Variants in ME1 observed in about 807,000 individuals in gnomAD.
The protein encoded by ME1 is NADP-dependent malic enzyme.
A neutral mutation model predicts 66.4 loss-of-function variants in ME1; 74 were observed. The observed-to-expected ratio is 1.11, with a 90% CI of 0.92 to 1.35. The LOEUF is 1.35. Ranked by LOEUF, ME1 falls within the 40% of genes most tolerant of loss-of-function variation. ME1 has a pLI of 0.00. For synonymous variants in ME1, 251 were observed against 235.6 expected (o/e 1.07, Z -0.60); for missense variants, 750 against 694.1 (o/e 1.08, Z -0.90).
At chr6:83,279,160 T>A (rs1195565011) in intron 6 of ME1, among the ~76,000 whole-genome samples, 1 of 152,212 alleles carries the variant, frequency 6.6e-6, no homozygotes, top group Non-Finnish European at 1.5e-5. Context: ...TTTTAGCCTC[T>A]AATACTACAG....
At chr6:83,419,111 A>C (rs1202897618) in intron 1 of ME1, among the ~76,000 whole-genome samples, 4 of 142,386 alleles carry the variant, frequency 2.8e-5, no homozygotes, top group Non-Finnish European at 6.1e-5. Context: ...CCAGGTAAGA[A>C]GTTTCAAACA....
At chr6:83,268,270 T>C (rs1446454891) in intron 6 of ME1, among the ~76,000 whole-genome samples, 2 of 152,170 alleles carry the variant, frequency 1.3e-5, no homozygotes, top group African/African-American at 4.8e-5. Flanking sequence ...ATAAAATCTA[T>C]AAAGTTGCCT....
chr6:83,369,964 G>C (rs960559567), intron 3 of ME1, among the ~76,000 whole-genome samples: 2 of 152,002 alleles, frequency 1.3e-5, no homozygotes, highest in Non-Finnish European at 2.9e-5. Context: ...GGTTCCTTTA[G>C]GAAAGGTTTT....
chr6:83,384,653 T>A (rs56848208), intron 3 of ME1, among the ~76,000 whole-genome samples: 47 of 151,814 alleles, frequency 3.1e-4, no homozygotes, highest in African/African-American at 1.1e-3. Flanking sequence ...TTAATTAGGG[T>A]CCTTTTTTCG....
At chr6:83,291,478 C>T (rs1468996645) in intron 6 of ME1, among the ~76,000 whole-genome samples, 2 of 152,208 alleles carry the variant, frequency 1.3e-5, no homozygotes, top group South Asian at 4.1e-4. Context: ...AGGGTTTCTG[C>T]AGAGAGATCC....
intron 6 of ME1, among the ~76,000 whole-genome samples, chr6:83,279,597 A>G (rs1162597948): frequency 6.6e-6 from 1 of 152,186 alleles, no homozygotes; most frequent in Non-Finnish European, 1.5e-5. Context: ...CTGAAATGCA[A>G]AGAGAAAAAA....
intron 7 of ME1, among the ~76,000 whole-genome samples, chr6:83,242,391 T>C (rs1287400392): frequency 6.6e-6 from 1 of 152,212 alleles, no homozygotes; most frequent in Non-Finnish European, 1.5e-5. Context: ...GGTAGATCAA[T>C]ATGTAATCAA....
chr6:83,417,710 A>G (rs1052874130), intron 1 of ME1, among the ~76,000 whole-genome samples: 1 of 152,208 alleles, frequency 6.6e-6, no homozygotes, highest in African/African-American at 2.4e-5. Context: ...ACAGGCACAC[A>G]GGCCAGTCAT....
At chr6:83,334,122 G>A (rs1346752723) in intron 5 of ME1, among the ~76,000 whole-genome samples, 1 of 152,148 alleles carries the variant, frequency 6.6e-6, no homozygotes, top group African/African-American at 2.4e-5. Flanking sequence ...CCGTGCGCGA[G>A]CCGAAGCAGG....
At chr6:83,396,379 C>T (rs915066051) in intron 3 of ME1, among the ~76,000 whole-genome samples, 10 of 151,736 alleles carry the variant, frequency 6.6e-5, no homozygotes, top group Non-Finnish European at 1.2e-4. Context: ...ATAATGATAG[C>T]CACCAAAACA....
In ME1 at chr6:83,216,566, A is replaced by C; in HGVS notation, c.1480T>G (p.Leu494Val). The C allele has an allele frequency of 6.2e-7, 1 of 1,610,626 alleles. No individual in the cohort carries two copies. Among genetic ancestry groups the C allele is most frequent in the Non-Finnish European group, 8.5e-7 (1 of 1,179,256 alleles). Residue 494 changes from leucine to valine, a missense_variant, in exon 13 of 14, where the codon TTG becomes GTG. Physicochemically the swap from Leu to Val is conservative, Grantham distance 32. Coordinates refer to ENST00000369705, the MANE Select transcript of ME1 (RefSeq NM_002395.6). ...GGAGGATAAAGCCGACCCTCTTCCA[A>C]GTGTTTATCTGACACTTGCTGAGCT... is the stretch of plus-strand genomic sequence containing the variant. ...VIAQQVSDKH[L>V]EEGRLYPPLN...
chr6:83,324,212 C>T (rs1768237422), intron 5 of ME1, among the ~76,000 whole-genome samples: 1 of 151,762 alleles, frequency 6.6e-6, no homozygotes, highest in Non-Finnish European at 1.5e-5. Context: ...ATTTATAGCA[C>T]TAAATGCCCA....
chr6:83,355,252 T>A (rs1350912877), intron 3 of ME1, among the ~76,000 whole-genome samples: 1 of 152,208 alleles, frequency 6.6e-6, no homozygotes, highest in Non-Finnish European at 1.5e-5. Flanking sequence ...GGCAATATAC[T>A]ATTTTTTATT....
intron 7 of ME1, among the ~76,000 whole-genome samples, chr6:83,251,884 T>C (rs1003811035): frequency 1.3e-5 from 2 of 152,130 alleles, no homozygotes; most frequent in African/African-American, 4.8e-5. Flanking sequence ...CAGATTTCTA[T>C]AGCAAAAAGA....
Position 83,228,945 on chromosome 6 carries a change from G to A in ME1, c.1027-14C>T, listed in dbSNP as rs764878756. 6.1e-5 allele frequency: 95 copies of A among 1,568,162 alleles called. 1 individual carries two copies. The Admixed American group carries it at 1.8e-3, about 30-fold the overall frequency. ...GGAAGCACGTCCCTAAGTAAAGCCAGTAAGAAAAAATTAAGAATCTGCCAA... is the reference window on the plus strand; with the variant it reads ...GGAAGCACGTCCCTAAGTAAAGCCAATAAGAAAAAATTAAGAATCTGCCAA... On this transcript the variant is annotated splice_polypyrimidine_tract_variant and intron_variant, in intron 9 of 13. Transcript: ENST00000369705.
chr6:83,302,490 C>T (rs1351309155), intron 6 of ME1, among the ~76,000 whole-genome samples: 2 of 152,096 alleles, frequency 1.3e-5, no homozygotes, highest in Non-Finnish European at 2.9e-5. Flanking sequence ...ACAGTAACAA[C>T]ATATATTATA....
intron 6 of ME1, among the ~76,000 whole-genome samples, chr6:83,283,227 C>CAAAAAAAAAAAAAAAAAAAAAAAA (rs71545854): frequency 1.4e-4 from 4 of 28,904 alleles, no homozygotes; most frequent in Non-Finnish European, 2.7e-4. Context: ...GACTCCGTCT[C>CAAAAAAAAAAAAAAAAAAAAAAAA]AAAAAAAAAA....
intron 5 of ME1, among the ~76,000 whole-genome samples, chr6:83,331,220 A>G (rs1446255341): frequency 1.3e-5 from 2 of 152,162 alleles, no homozygotes; most frequent in African/African-American, 2.4e-5. Context: ...ATTTGGAGAC[A>G]GAGTATTTAA....
chr6:83,341,365 C>T (rs1024831519), intron 5 of ME1, among the ~76,000 whole-genome samples: 2 of 152,100 alleles, frequency 1.3e-5, no homozygotes, highest in African/African-American at 2.4e-5. Flanking sequence ...AGTACAATAG[C>T]TTTCAGTGAG....
Sources: gnomAD v4.1 joint callset for allele counts (sites outside exome capture counted in the v4.1 genomes callset) on GRCh38, gnomAD v4.1.1 for gene constraint, MANE v1.5 for transcripts, NCBI Gene and HGNC (gene_info 2026-07-23, HGNC 2026-07-21) for gene names.